The following STEAP1B variants were observed in gnomAD, a reference collection of about 807,000 sequenced individuals.
STEAP1B encodes the protein STEAP family member 1B.
STEAP1B carries 13 observed loss-of-function variants against 27.9 expected under a neutral mutation model. That is an observed-to-expected ratio of 0.47 (90% CI 0.30 to 0.74). The LOEUF (loss-of-function observed/expected upper bound fraction) is 0.74, where lower values mean the gene tolerates loss of function less well. Among genes scored for constraint, STEAP1B ranks in the 30% least tolerant of loss-of-function variants. The pLI is 0.06. For missense variants in STEAP1B, 250 were observed against 298.7 expected, an observed-to-expected ratio of 0.84 and a Z score of 1.20; for synonymous variants, 86 against 107.1, an observed-to-expected ratio of 0.80 and a Z score of 1.22.
chr7:22,492,330 A>AAAAAAAAAAAAAAC (rs1786340153), intron 4 of STEAP1B: 1 of 262,152 alleles, frequency 3.8e-6, no homozygotes, highest in Non-Finnish European at 6.0e-6. Context: ...AAAAAAAAAA[A>AAAAAAAAAAAAAAC]AAAAAAAAAA....
intron 1 of STEAP1B, chr7:22,495,592 T>C (rs561079091): frequency 6.6e-6 from 1 of 152,324 alleles, no homozygotes; most frequent in Non-Finnish European, 1.5e-5. Context: ...AAAGAAAACA[T>C]ATGTCACAGT....
At chr7:22,483,279 G>T (rs751346427) in intron 4 of STEAP1B, among the ~76,000 whole-genome samples, 1 of 151,982 alleles carries the variant, frequency 6.6e-6, no homozygotes, top group Non-Finnish European at 1.5e-5. Flanking sequence ...AAAAAAAATC[G>T]CCAGTGTTTT....
In STEAP1B at chr7:22,463,650, C is replaced by T. The variant is rs190510141; in HGVS notation, c.762+28915G>A. On this transcript the variant is annotated intron_variant, in intron 4 of 4. Transcript: ENST00000678116. The stretch of plus-strand genomic sequence containing the variant: ...AAAACAGAACCCTCAGAAATAACGC[C>T]GCGTATCTACAACTATCTGATCTTT... Among the ~76,000 whole-genome samples, 425 of 152,216 alleles carry T rather than the reference C, an allele frequency of 2.8e-3. 1 individual carries two copies. The highest frequency in any genetic ancestry group is 0.02 in the South Asian group (97 of 4,822).
At chr7:22,440,265 T>G (rs1027333262) in intron 4 of STEAP1B, among the ~76,000 whole-genome samples, 2 of 152,202 alleles carry the variant, frequency 1.3e-5, no homozygotes, top group African/African-American at 4.8e-5. Context: ...GATCTTTTGA[T>G]GAAGTTTCTA....
rs1485231762 is a variant in STEAP1B, at chr7:22,419,485, T to C, written c.*319A>G. On this transcript the variant is annotated 3_prime_UTR_variant, in exon 5 of 5. Coordinates refer to ENST00000678116, the MANE Select transcript of STEAP1B (RefSeq NM_001382447.1). ...TTTTAATGTTGTCAGAATATTTCCA[T>C]CCAACACTTTATAAACACATTTGAT... The C allele has an allele frequency of 5.0e-6, 1 of 200,278 alleles. No individual in the cohort carries two copies. Among genetic ancestry groups the C allele is most frequent in the Non-Finnish European group, 1.0e-5 (1 of 99,320 alleles). 12.4% of individuals were successfully genotyped at this position (200,278 alleles called of 1,614,324 possible).
intron 4 of STEAP1B, among the ~76,000 whole-genome samples, chr7:22,463,988 G>T (rs1360633847): frequency 6.6e-6 from 1 of 151,926 alleles, no homozygotes; most frequent in East Asian, 1.9e-4. Context: ...CATCTGCACA[G>T]CAAAAGAAAC....
intron 4 of STEAP1B, among the ~76,000 whole-genome samples, chr7:22,435,133 C>G (rs1168817470): frequency 6.6e-6 from 1 of 152,068 alleles, no homozygotes; most frequent in African/African-American, 2.4e-5. Context: ...TTTACCGAAA[C>G]AAGTGAAGGT....
At chr7:22,424,832 G>A (rs775956208) in intron 4 of STEAP1B, among the ~76,000 whole-genome samples, 1 of 149,368 alleles carries the variant, frequency 6.7e-6, no homozygotes, top group Non-Finnish European at 1.5e-5. Context: ...AATAATATGG[G>A]AAAATACTTG....
chr7:22,472,725 T>C (rs1026617303), intron 4 of STEAP1B, among the ~76,000 whole-genome samples: 6 of 152,188 alleles, frequency 3.9e-5, no homozygotes. Context: ...CAGATCTTTC[T>C]GCACCTACCC....
At chr7:22,420,166 C>A (rs1165763764) in intron 4 of STEAP1B, among the ~76,000 whole-genome samples, 2 of 152,132 alleles carry the variant, frequency 1.3e-5, no homozygotes, top group Non-Finnish European at 2.9e-5. Context: ...AGCTCAGGGG[C>A]AAGGATTGAC....
chr7:22,483,592 T>G (rs73684093), intron 4 of STEAP1B, among the ~76,000 whole-genome samples: 1 of 152,356 alleles, frequency 6.6e-6, no homozygotes, highest in African/African-American at 2.4e-5. Flanking sequence ...TTGTCGCATT[T>G]TGGTGATTCA....
intron 4 of STEAP1B, among the ~76,000 whole-genome samples, chr7:22,441,935 C>A (rs1329747286): frequency 2.0e-5 from 3 of 152,152 alleles, no homozygotes; most frequent in Non-Finnish European, 4.4e-5. Context: ...AGCTTTAATT[C>A]TTTAAAAGCT....
intron 4 of STEAP1B, among the ~76,000 whole-genome samples, chr7:22,491,658 A>T (rs1204170865): frequency 6.6e-6 from 1 of 152,208 alleles, no homozygotes; most frequent in Non-Finnish European, 1.5e-5. Context: ...TTTTAGGAAG[A>T]AAGTGAGTAA....
At chr7:22,447,061 C>T in intron 4 of STEAP1B, among the ~76,000 whole-genome samples, 1 of 152,176 alleles carries the variant, frequency 6.6e-6, no homozygotes, top group East Asian at 1.9e-4. Flanking sequence ...GGGTAAATGT[C>T]TGAAGAGCTC....
intron 4 of STEAP1B, among the ~76,000 whole-genome samples, chr7:22,484,990 T>G (rs1045766888): frequency 6.6e-6 from 1 of 152,210 alleles, no homozygotes; most frequent in Non-Finnish European, 1.5e-5. Flanking sequence ...CTTGAACAAG[T>G]GAGGAGTTGC....
intron 4 of STEAP1B, among the ~76,000 whole-genome samples, chr7:22,474,589 C>T (rs940148115): frequency 1.3e-5 from 2 of 152,144 alleles, no homozygotes; most frequent in Non-Finnish European, 2.9e-5. Flanking sequence ...TGTTGCACTG[C>T]CCTGGTACTT....
chr7:22,499,878 C>T (rs540983431), intron 1 of STEAP1B, among the ~76,000 whole-genome samples: 16 of 152,320 alleles, frequency 1.1e-4, no homozygotes, highest in African/African-American at 3.8e-4. Flanking sequence ...GTCCCTGGCT[C>T]CCCCCAGCCC....
At chr7:22,475,893 T>C (rs1045720906) in intron 4 of STEAP1B, among the ~76,000 whole-genome samples, 9 of 152,198 alleles carry the variant, frequency 5.9e-5, no homozygotes, top group African/African-American at 1.7e-4. Flanking sequence ...AGAAACTGTC[T>C]GCCTTTTTTA....
chr7:22,440,882 T>C (rs28667031), intron 4 of STEAP1B, among the ~76,000 whole-genome samples: 61,716 of 151,166 alleles, frequency 0.41, 13,245 homozygotes, highest in East Asian at 0.57. Flanking sequence ...ATTATTCCAC[T>C]TATATTTTCT....
Sources: gnomAD v4.1 joint callset for allele counts (sites outside exome capture counted in the v4.1 genomes callset) on GRCh38, gnomAD v4.1.1 for gene constraint, MANE v1.5 for transcripts, NCBI Gene and HGNC (gene_info 2026-07-23, HGNC 2026-07-21) for gene names.